The following LTBP1 variants were observed in gnomAD, a reference collection of about 807,000 sequenced individuals.
The protein encoded by LTBP1 is latent transforming growth factor beta binding protein 1, also known as latent-transforming growth factor beta-binding protein 1.
Under a neutral mutation model 207.6 loss-of-function variants are expected in LTBP1, and 129 were observed. That is an observed-to-expected ratio of 0.62 (90% CI 0.54 to 0.72). The LOEUF is 0.72. Ranked by LOEUF, LTBP1 falls within the 30% of genes least tolerant of loss-of-function variation. The pLI is 0.00. For synonymous variants in LTBP1, 963 were observed against 833.7 expected, an observed-to-expected ratio of 1.16 and a Z score of -2.67; for missense variants, 2,281 against 2,217.2, an observed-to-expected ratio of 1.03 and a Z score of -0.58.
chr2:33,019,994 G>T (rs2075080766), intron 2 of LTBP1, among the ~76,000 whole-genome samples: 1 of 151,884 alleles, frequency 6.6e-6, no homozygotes, highest in Admixed American at 6.6e-5. Context: ...GCTTACAGGC[G>T]TGAGCCACTG....
At chr2:33,321,160 G>T (rs2094348169) in intron 24 of LTBP1, among the ~76,000 whole-genome samples, 1 of 151,994 alleles carries the variant, frequency 6.6e-6, no homozygotes. Flanking sequence ...GAAAAATTGA[G>T]CACTGCAAGA....
At chr2:33,050,492 A>G (rs955061913) in intron 3 of LTBP1, among the ~76,000 whole-genome samples, 3 of 152,176 alleles carry the variant, frequency 2.0e-5, no homozygotes, top group Admixed American at 2.0e-4. Context: ...TAGACACCAA[A>G]AAAATGCTCA....
chr2:33,198,604 A>C (rs1389158479), intron 7 of LTBP1, among the ~76,000 whole-genome samples: 4 of 152,106 alleles, frequency 2.6e-5, no homozygotes, highest in Admixed American at 1.3e-4. Flanking sequence ...CAGAGATTCA[A>C]CTTCTTCCTG....
intron 2 of LTBP1, among the ~76,000 whole-genome samples, chr2:32,997,209 G>A (rs1410555631): frequency 1.3e-5 from 2 of 152,052 alleles, no homozygotes; most frequent in Non-Finnish European, 2.9e-5. Flanking sequence ...TCTCCATGCT[G>A]ATGCCAATCA....
intron 30 of LTBP1, among the ~76,000 whole-genome samples, chr2:33,364,636 C>A (rs1361400024): frequency 6.6e-6 from 1 of 152,138 alleles, no homozygotes; most frequent in African/African-American, 2.4e-5. Flanking sequence ...CATCCCTAAC[C>A]TGCAGAGGCA....
intron 26 of LTBP1, 110 bp from the exon 27 acceptor site, chr2:33,360,487 A>G: frequency 1.5e-6 from 1 of 650,262 alleles, no homozygotes; most frequent in Non-Finnish European, 2.6e-6. Context: ...ATTTTCTATA[A>G]AGCAAATGCT....
chr2:33,121,524 T>C (rs2081119575), intron 4 of LTBP1, among the ~76,000 whole-genome samples: 1 of 152,112 alleles, frequency 6.6e-6, no homozygotes, highest in Non-Finnish European at 1.5e-5. Context: ...GCTGGGCTCC[T>C]TGTTTAACCA....
At chr2:33,358,922 C>T (rs528785941) in intron 26 of LTBP1, among the ~76,000 whole-genome samples, 2 of 152,220 alleles carry the variant, frequency 1.3e-5, no homozygotes, top group Admixed American at 1.3e-4. Context: ...AGATCCGTTC[C>T]GTTAAGAGTA....
chr2:33,245,472 A>G (rs1254755653), intron 10 of LTBP1, among the ~76,000 whole-genome samples: 2 of 152,204 alleles, frequency 1.3e-5, no homozygotes, highest in Non-Finnish European at 2.9e-5. Context: ...AAAACTGTCA[A>G]CTGCAGATTA....
chr2:33,314,836 C>T (rs1032877077), intron 23 of LTBP1, among the ~76,000 whole-genome samples: 2 of 152,168 alleles, frequency 1.3e-5, no homozygotes, highest in Non-Finnish European at 2.9e-5. Flanking sequence ...AAGAGCATCT[C>T]TCAGAGTTGT....
chr2:33,295,525 T>G (rs555797117), intron 20 of LTBP1, among the ~76,000 whole-genome samples: 79 of 152,086 alleles, frequency 5.2e-4, no homozygotes, highest in African/African-American at 1.8e-3. Context: ...AGACTCAAAA[T>G]AGAGTCTCAA....
chr2:33,099,558 A>G (rs999441443), intron 3 of LTBP1, among the ~76,000 whole-genome samples: 11 of 152,238 alleles, frequency 7.2e-5, no homozygotes, highest in African/African-American at 2.7e-4. Context: ...GATATCTCAT[A>G]GAGTCCTGTA....
chr2:33,011,635 ATC>A (rs1188324544), intron 2 of LTBP1, among the ~76,000 whole-genome samples: 8 of 152,034 alleles, frequency 5.3e-5, no homozygotes, highest in African/African-American at 1.9e-4. Flanking sequence ...GAAAGAATAA[ATC>A]TCTGTTATTT....
intron 9 of LTBP1, among the ~76,000 whole-genome samples, chr2:33,231,457 A>G (rs190339370): frequency 2.6e-5 from 4 of 152,318 alleles, no homozygotes; most frequent in Non-Finnish European, 4.4e-5. Flanking sequence ...CTGTTATTAA[A>G]TGAGACTCCA....
chr2:33,097,838 G>T (rs1054114438), intron 3 of LTBP1, among the ~76,000 whole-genome samples: 2 of 152,032 alleles, frequency 1.3e-5, no homozygotes, highest in Non-Finnish European at 2.9e-5. Flanking sequence ...TTGTAAATGT[G>T]CTGATTTATT....
intron 2 of LTBP1, among the ~76,000 whole-genome samples, chr2:32,998,772 T>C (rs964231191): frequency 3.9e-5 from 6 of 152,140 alleles, no homozygotes; most frequent in Non-Finnish European, 8.8e-5. Flanking sequence ...CATGTGAGGA[T>C]ACAAAGTGAT....
intron 2 of LTBP1, among the ~76,000 whole-genome samples, chr2:33,016,240 C>T (rs1044052299): frequency 5.3e-5 from 8 of 151,954 alleles, no homozygotes; most frequent in African/African-American, 1.9e-4. Flanking sequence ...CAGGGGTAGA[C>T]CAGTGAGAAG....
intron 10 of LTBP1, among the ~76,000 whole-genome samples, chr2:33,246,264 CAT>C (rs2092505629): frequency 6.6e-6 from 1 of 152,080 alleles, no homozygotes; most frequent in Non-Finnish European, 1.5e-5. Context: ...ATCACAGAGA[CAT>C]GTAGAGTTCC....
In LTBP1 at chr2:32,947,692, G is replaced by T; in HGVS notation, c.368G>T (p.Gly123Val). The part of the protein sequence containing the change: ...VPGGQLHPNP[G>V]GHPAAAPFTK... Reference sequence around the variant, plus strand: ...GGCGGGCAGCTCCACCCCAATCCCGGCGGCCACCCGGCAGCCGCCCCGTTC... The same window carrying T: ...GGCGGGCAGCTCCACCCCAATCCCGTCGGCCACCCGGCAGCCGCCCCGTTC... Residue 123 changes from glycine (G) to valine (V), a missense_variant, in exon 1 of 34, where the codon GGC becomes GTC. Transcript: ENST00000404816. 2.0e-6 allele frequency: 3 copies of T among 1,509,942 alleles called. No individual in the cohort carries two copies. Among genetic ancestry groups the T allele is most frequent in the South Asian group, 2.5e-5 (2 of 80,212 alleles). 93.5% of individuals were successfully genotyped at this position (1,509,942 alleles called of 1,614,324 possible). A position where few individuals can be genotyped will look rare whatever the true frequency, so the allele number is the denominator to read the frequency against.
Sources: allele counts gnomAD v4.1 joint callset (sites outside exome capture counted in the v4.1 genomes callset), GRCh38; gene constraint gnomAD v4.1.1; transcripts MANE v1.5; gene names NCBI Gene and HGNC (gene_info 2026-07-23, HGNC 2026-07-21).